Variants in RPP30 observed in about 807,000 individuals in gnomAD.
The protein encoded by RPP30 is ribonuclease P/MRP subunit p30, also known as ribonuclease P protein subunit p30.
Under a neutral mutation model 38.6 loss-of-function variants are expected in RPP30, and 36 were observed. That is an observed-to-expected ratio of 0.93 (90% CI 0.71 to 1.23). The LOEUF is 1.23. Among genes scored for constraint, RPP30 ranks in the 50% most tolerant of loss-of-function variants. The pLI, the probability that RPP30 is intolerant of heterozygous loss-of-function variation, is 0.00. For missense variants in RPP30, 321 were observed against 321.7 expected (o/e 1.00, Z 0.02); for synonymous variants, 126 against 112.7 (o/e 1.12, Z -0.75).
At position 90,877,449 on chromosome 10, in the gene RPP30, TAC is replaced by T. The variant is rs568066748; in HGVS notation, c.270+1353_270+1354del. Among the ~76,000 whole-genome samples the T allele has an allele frequency of 8.5e-5, 13 of 152,126 alleles. No individual in the cohort carries two copies. In the South Asian group the frequency reaches 2.7e-3, roughly 32 times the overall value. ...TGCATTGTGGGAAGAAGAGGTTTAGTACAGAGTCCTAAGGAACTTCACTATTT... is the reference window on the plus strand; with the variant it reads ...TGCATTGTGGGAAGAAGAGGTTTAGTAGAGTCCTAAGGAACTTCACTATTT... On this transcript the variant is annotated intron_variant, in intron 4 of 10. Coordinates refer to ENST00000371703, the MANE Select transcript of RPP30 (RefSeq NM_006413.5).
At chr10:90,880,850 G>C (rs1712488837) in intron 5 of RPP30, among the ~76,000 whole-genome samples, 1 of 152,152 alleles carries the variant, frequency 6.6e-6, no homozygotes, top group African/African-American at 2.4e-5. Flanking sequence ...GGCACATTCA[G>C]CCCTCACCAC....
intron 4 of RPP30, among the ~76,000 whole-genome samples, chr10:90,877,284 G>A (rs534125473): frequency 2.6e-5 from 4 of 151,920 alleles, no homozygotes; most frequent in African/African-American, 4.8e-5. Flanking sequence ...TCTAGCCTGC[G>A]CAACAGAGCC....
chr10:90,894,943 G>C (rs1321988027), intron 7 of RPP30, 52 bp downstream of exon 7: 1 of 1,167,220 alleles, frequency 8.6e-7, no homozygotes, highest in Non-Finnish European at 1.3e-6. Context: ...TTTATTATTA[G>C]TAGTACACTG....
chr10:90,896,060 CATT>C (rs1396358838), intron 9 of RPP30, 143 bp downstream of exon 9: 5 of 690,372 alleles, frequency 7.2e-6, no homozygotes, highest in East Asian at 2.7e-5. Context: ...AATTATATAA[CATT>C]ATAGAGAGCT....
At chr10:90,886,788 AT>A (rs1028546069) in intron 6 of RPP30, among the ~76,000 whole-genome samples, 1 of 152,086 alleles carries the variant, frequency 6.6e-6, no homozygotes, top group African/African-American at 2.4e-5. Flanking sequence ...CAGAAGATTA[AT>A]TTTTTTTAAG....
At chr10:90,891,045 A>G (rs1045972477) in intron 6 of RPP30, among the ~76,000 whole-genome samples, 1 of 152,254 alleles carries the variant, frequency 6.6e-6, no homozygotes, top group Non-Finnish European at 1.5e-5. Flanking sequence ...AAATGAGAAC[A>G]GTCCCTATGC....
At chr10:90,886,082 AAAAATATCCAG>A (rs1846996809) in intron 6 of RPP30, among the ~76,000 whole-genome samples, 181 bp downstream of exon 6, 2 of 152,258 alleles carry the variant, frequency 1.3e-5, no homozygotes, top group Non-Finnish European at 2.9e-5. Context: ...GCTTAAAATT[AAAAATATCCAG>A]TTAATTATTA....
intron 4 of RPP30, 65 bp downstream of exon 4, chr10:90,876,163 T>C (rs1846849515): frequency 1.9e-6 from 2 of 1,028,946 alleles, no homozygotes; most frequent in Non-Finnish European, 1.5e-6. Flanking sequence ...TGTTGAACAA[T>C]GTTGCATTTT....
Position 90,888,496 on chromosome 10 carries a change from G to A in RPP30, c.432+2595G>A, listed in dbSNP as rs997473800. Among the ~76,000 whole-genome samples the A allele has an allele frequency of 1.1e-4, 17 of 152,144 alleles. No homozygotes were observed. The East Asian group carries it at 1.2e-3, about 10-fold the overall frequency. On this transcript the variant is annotated intron_variant, in intron 6 of 10. Transcript: ENST00000371703. Reference sequence around the variant, plus strand: ...TTTTTTAAGTACTCCACTATCTTGCGTATAATGAGTCCTCCTTACAGTTTG... The same window carrying A: ...TTTTTTAAGTACTCCACTATCTTGCATATAATGAGTCCTCCTTACAGTTTG...
chr10:90,872,470 C>T (rs1846792691), intron 1 of RPP30, among the ~76,000 whole-genome samples: 1 of 152,086 alleles, frequency 6.6e-6, no homozygotes, highest in East Asian at 1.9e-4. Context: ...ACAGGAAGCG[C>T]CGTGGAGGCT....
chr10:90,900,947 G>A lies in RPP30; in HGVS notation c.*268G>A. On this transcript the variant is annotated 3_prime_UTR_variant, in exon 11 of 11. Coordinates refer to ENST00000371703, the MANE Select transcript of RPP30 (RefSeq NM_006413.5). Reference sequence around the variant, plus strand: ...TCCTTTGTGTAAGTGATAAACAACAGCAAATATACTTGAATAAAATGTTTC... The same window carrying A: ...TCCTTTGTGTAAGTGATAAACAACAACAAATATACTTGAATAAAATGTTTC... The A allele has an allele frequency of 8.8e-7, 1 of 1,130,998 alleles. No individual in the cohort carries two copies. The highest frequency in any genetic ancestry group is 1.1e-6 in the Non-Finnish European group (1 of 923,172). 70.1% of individuals were successfully genotyped at this position (1,130,998 alleles called of 1,614,324 possible). A position where few individuals can be genotyped will look rare whatever the true frequency, so the allele number is the denominator to read the frequency against.
downstream of RPP30, among the ~76,000 whole-genome samples, chr10:90,904,882 C>T (rs1046894353): frequency 2.6e-5 from 4 of 152,120 alleles, no homozygotes; most frequent in African/African-American, 4.8e-5. Context: ...GAAGTGTCAG[C>T]TATCATTTAG....
rs754579427 is a variant in RPP30, at chr10:90,873,176, T to C, written c.82+1108T>C. ...CGTTCACTCTGCAGGCACCAGTACA[T>C]GGCAGTTACTCAGTTAATGCTTGTG... On this transcript the variant is annotated intron_variant, in intron 1 of 10. Coordinates refer to ENST00000371703, the MANE Select transcript of RPP30 (RefSeq NM_006413.5). Among the ~76,000 whole-genome samples the C allele has an allele frequency of 2.0e-5, 3 of 152,178 alleles. No individual in the cohort carries two copies. The South Asian group carries it at 6.2e-4, about 32-fold the overall frequency.
At chr10:90,894,225 T>C (rs1847113350) in intron 6 of RPP30, among the ~76,000 whole-genome samples, 1 of 152,226 alleles carries the variant, frequency 6.6e-6, no homozygotes, top group African/African-American at 2.4e-5. Flanking sequence ...ATATTATATA[T>C]AAGACTCTCT....
At chr10:90,903,698 C>T (rs560766072), downstream of RPP30, among the ~76,000 whole-genome samples, 1 of 152,266 alleles carries the variant, frequency 6.6e-6, no homozygotes, top group East Asian at 1.9e-4. Context: ...TTAATTGCTA[C>T]AAGATGCCAA....
chr10:90,897,201 C>T (rs912960441), intron 10 of RPP30, among the ~76,000 whole-genome samples: 1 of 152,206 alleles, frequency 6.6e-6, no homozygotes, highest in African/African-American at 2.4e-5. Flanking sequence ...CTTTTGATCA[C>T]TGTTTTGTCT....
rs1227880588 is a variant in RPP30 at position 90,885,868 on chromosome 10, A to G, written c.399A>G (p.Leu133=). ...DLVCITVTEK[L]PFYFKRPPIN... Reference sequence around the variant, plus strand: ...TCTGCATAACTGTAACAGAGAAACTACCATTTTACTTCAAAAGACCTCCTA... The same window carrying G: ...TCTGCATAACTGTAACAGAGAAACTGCCATTTTACTTCAAAAGACCTCCTA... The change falls in exon 6 of 11, where the codon CTA becomes CTG. Residue 133 remains leucine (L), a synonymous_variant. Coordinates refer to ENST00000371703, the MANE Select transcript of RPP30 (RefSeq NM_006413.5). 1 of 1,609,596 alleles carries G rather than the reference A, an allele frequency of 6.2e-7. No homozygotes were observed. The highest frequency in any genetic ancestry group is 1.3e-5 in the African/African-American group (1 of 74,812).
rs1847140630 is a variant in RPP30, at chr10:90,896,501, C to CT, written c.697+113dup. 12 of 791,014 alleles carry CT rather than the reference C, an allele frequency of 1.5e-5. No individual in the cohort carries two copies. The East Asian group carries it at 3.1e-4, about 21-fold the overall frequency. 49.0% of individuals were successfully genotyped at this position (791,014 alleles called of 1,614,324 possible). A position where few individuals can be genotyped will look rare whatever the true frequency, so the allele number is the denominator to read the frequency against. On this transcript the variant is annotated intron_variant, in intron 10 of 10. Transcript: ENST00000371703. Reference sequence around the variant, plus strand: ...CCCTACAGAGTTCCTTTGGGATCATCTTTTCTCAACCTGTTCTAAACACAG... The same window carrying CT: ...CCCTACAGAGTTCCTTTGGGATCATCTTTTTCTCAACCTGTTCTAAACACAG...
At chr10:90,881,876 A>AAGGTTGAAGTGT (rs1846931953) in intron 5 of RPP30, among the ~76,000 whole-genome samples, 14 of 152,330 alleles carry the variant, frequency 9.2e-5, no homozygotes, top group African/African-American at 3.4e-4. Flanking sequence ...GCATACACAC[A>AAGGTTGAAGTGT]CAGACAGACA....
Sources: gnomAD v4.1 joint callset for allele counts (sites outside exome capture counted in the v4.1 genomes callset) on GRCh38, gnomAD v4.1.1 for gene constraint, MANE v1.5 for transcripts, NCBI Gene and HGNC (gene_info 2026-07-23, HGNC 2026-07-21) for gene names.